The following MPPED2 variants were observed in gnomAD, a reference collection of about 807,000 sequenced individuals.
MPPED2 encodes metallophosphoesterase domain containing 2, also known as metallophosphoesterase MPPED2.
In MPPED2, 5 loss-of-function variants were observed where a neutral mutation model predicts 33.0. The observed-to-expected ratio is 0.15, with a 90% confidence interval of 0.08 to 0.32. The LOEUF (loss-of-function observed/expected upper bound fraction) is 0.32, where lower values mean the gene tolerates loss of function less well. Among genes scored for constraint, MPPED2 ranks in the 10% least tolerant of loss-of-function variants. The pLI is 1.00. For missense variants in MPPED2, 275 were observed against 372.1 expected, an observed-to-expected ratio of 0.74 and a Z score of 2.15; for synonymous variants, 136 against 141.9, an observed-to-expected ratio of 0.96 and a Z score of 0.29.
At chr11:30,570,155 C>T (rs1317990254) in intron 2 of MPPED2, among the ~76,000 whole-genome samples, 2 of 152,094 alleles carry the variant, frequency 1.3e-5, no homozygotes, top group Non-Finnish European at 2.9e-5. Flanking sequence ...ATTTATCTCT[C>T]ACAATTCTGG....
At chr11:30,489,576 T>C (rs1951882521) in intron 4 of MPPED2, among the ~76,000 whole-genome samples, 1 of 152,234 alleles carries the variant, frequency 6.6e-6, no homozygotes, top group Non-Finnish European at 1.5e-5. Flanking sequence ...ATTTTAGAAT[T>C]GCACTGCCTA....
rs189453145 is a variant in MPPED2 at position 30,482,946 on chromosome 11, C to T, written c.536+12350G>A. Among the ~76,000 whole-genome samples, 200 of 151,134 alleles carry T rather than the reference C, an allele frequency of 1.3e-3. 1 individual carries two copies. Among genetic ancestry groups the T allele is most frequent in the Non-Finnish European group, 2.4e-3 (165 of 67,968 alleles). ...AGCAAATAGCCTTAAATACGAATAC[C>T]CTCCTTAAAAACCAATACCTTGTGA... On this transcript the variant is annotated intron_variant, in intron 4 of 6. Transcript: ENST00000358117.
At chr11:30,393,481 C>T (rs1947804457) in intron 6 of MPPED2, among the ~76,000 whole-genome samples, 5 of 152,086 alleles carry the variant, frequency 3.3e-5, no homozygotes, top group Admixed American at 3.3e-4. Flanking sequence ...CAGCTCTGTC[C>T]AGGGATGGTT....
chr11:30,476,527 C>T (rs2134092779), intron 4 of MPPED2, among the ~76,000 whole-genome samples: 1 of 152,042 alleles, frequency 6.6e-6, no homozygotes, highest in African/African-American at 2.4e-5. Context: ...ATTAAATTGC[C>T]TTGAAACTGT....
At chr11:30,583,732 A>G (rs541063707) in intron 1 of MPPED2, among the ~76,000 whole-genome samples, 2 of 152,248 alleles carry the variant, frequency 1.3e-5, no homozygotes, top group East Asian at 3.9e-4. Context: ...CAATTTACCA[A>G]AACTTTCAAA....
chr11:30,408,556 C>G (rs181089440), downstream of MPPED2, among the ~76,000 whole-genome samples: 1 of 152,214 alleles, frequency 6.6e-6, no homozygotes, highest in South Asian at 2.1e-4. Context: ...GTGATCCGCC[C>G]GCCTCAGCCT....
At chr11:30,436,489 A>G (rs1339444277) in intron 4 of MPPED2, among the ~76,000 whole-genome samples, 1 of 152,198 alleles carries the variant, frequency 6.6e-6, no homozygotes, top group African/African-American at 2.4e-5. Flanking sequence ...AACCCTCCTG[A>G]ATTCAAATCC....
chr11:30,459,497 T>G (rs374875875), intron 4 of MPPED2, among the ~76,000 whole-genome samples: 20 of 152,088 alleles, frequency 1.3e-4, no homozygotes, highest in African/African-American at 4.8e-4. Flanking sequence ...TCTCTTGAGG[T>G]TTTTCTGCAA....
At chr11:30,450,252 T>A (rs915632552) in intron 4 of MPPED2, among the ~76,000 whole-genome samples, 1 of 152,230 alleles carries the variant, frequency 6.6e-6, no homozygotes, top group African/African-American at 2.4e-5. Flanking sequence ...GAAGATGCAG[T>A]GGTTAATCAA....
intron 4 of MPPED2, among the ~76,000 whole-genome samples, chr11:30,449,184 G>A (rs1366841944): frequency 3.6e-5 from 1 of 27,860 alleles, no homozygotes; most frequent in Non-Finnish European, 6.1e-5. Context: ...AATGTTAAGA[G>A]AATGAATGAA....
At chr11:30,389,891 CAA>C in intron 6 of MPPED2, among the ~76,000 whole-genome samples, 1 of 152,114 alleles carries the variant, frequency 6.6e-6, no homozygotes, top group Middle Eastern at 3.2e-3. Flanking sequence ...CATCAGAGTA[CAA>C]GTTAATGGTC....
At chr11:30,425,795 G>A (rs906481333) in intron 4 of MPPED2, among the ~76,000 whole-genome samples, 1 of 152,172 alleles carries the variant, frequency 6.6e-6, no homozygotes, top group African/African-American at 2.4e-5. Context: ...AGTGGGACCT[G>A]CACTAATGTC....
chr11:30,560,471 G>A (rs933030117), intron 2 of MPPED2, among the ~76,000 whole-genome samples: 20 of 152,208 alleles, frequency 1.3e-4, no homozygotes, highest in Middle Eastern at 3.4e-3. Context: ...TACACGGCAT[G>A]AGATAGTCTT....
At chr11:30,502,513 G>A (rs150509413) in intron 3 of MPPED2, among the ~76,000 whole-genome samples, 2 of 152,270 alleles carry the variant, frequency 1.3e-5, no homozygotes, top group East Asian at 3.9e-4. Context: ...GCAGCTGTTG[G>A]TACAATTTCT....
chr11:30,541,054 G>A lies in MPPED2; in HGVS notation c.129-4879C>T, dbSNP rs143597901. Among the ~76,000 whole-genome samples the A allele has an allele frequency of 5.9e-4, 90 of 152,284 alleles. 2 individuals are homozygous for A. The East Asian group carries it at 0.017, about 28-fold the overall frequency. On this transcript the variant is annotated intron_variant, in intron 2 of 6. Coordinates refer to ENST00000358117, the MANE Select transcript of MPPED2 (RefSeq NM_001584.3). ...TCATCAAAGACAGATGCTAGCCCAGGCCATGGGGAGGTGGCACTGCTGAAC... is the reference window on the plus strand; with the variant it reads ...TCATCAAAGACAGATGCTAGCCCAGACCATGGGGAGGTGGCACTGCTGAAC...
intron 4 of MPPED2, among the ~76,000 whole-genome samples, chr11:30,427,357 T>C (rs1241503388): frequency 6.6e-6 from 1 of 152,238 alleles, no homozygotes; most frequent in Non-Finnish European, 1.5e-5. Flanking sequence ...ATGTTGCTAA[T>C]ACTGGTTTCT....
intron 2 of MPPED2, among the ~76,000 whole-genome samples, chr11:30,567,739 A>G (rs1956508214): frequency 6.6e-6 from 1 of 152,214 alleles, no homozygotes; most frequent in Admixed American, 6.5e-5. Flanking sequence ...CAACACTATT[A>G]TCATGAACCC....
rs191144042 is a variant in MPPED2 at position 30,400,361 on chromosome 11, C to A, written c.767-11405G>T. On this transcript the variant is annotated intron_variant, in intron 6 of 6. Transcript: ENST00000448418. ...AAAGCTTTGGGATTACAAATGTGGA[C>A]CACTGCACCTGGCTCTATGGAGAGT... Among the ~76,000 whole-genome samples the A allele has an allele frequency of 2.7e-3, 416 of 152,284 alleles. 12 individuals are homozygous for A. Among genetic ancestry groups the A allele is most frequent in the Admixed American group, 0.026 (401 of 15,292 alleles).
At chr11:30,401,192 A>T (rs1293390989) in intron 6 of MPPED2, among the ~76,000 whole-genome samples, 1 of 152,206 alleles carries the variant, frequency 6.6e-6, no homozygotes, top group South Asian at 2.1e-4. Context: ...ACTGTGTGTT[A>T]TAGGATAGCA....
Sources: gnomAD v4.1 joint callset for allele counts (sites outside exome capture counted in the v4.1 genomes callset) on GRCh38, gnomAD v4.1.1 for gene constraint, MANE v1.5 for transcripts, NCBI Gene and HGNC (gene_info 2026-07-23, HGNC 2026-07-21) for gene names.